Variants in FARP1 observed in about 807,000 individuals in gnomAD.
FARP1 encodes FERM, ARH/RhoGEF and pleckstrin domain protein 1.
In FARP1, 52 loss-of-function variants were observed where a neutral mutation model predicts 128.8. The observed-to-expected ratio is 0.40, with a 90% CI of 0.32 to 0.51. The LOEUF is 0.51. Ranked by LOEUF, FARP1 falls within the 20% of genes least tolerant of loss-of-function variation. FARP1 has a pLI of 0.45. For missense variants in FARP1, 1,333 were observed against 1,367.9 expected (o/e 0.97, Z 0.40); for synonymous variants, 580 against 551.8 (o/e 1.05, Z -0.72).
chr13:98,373,475 T>C (rs770148377), intron 5 of FARP1, among the ~76,000 whole-genome samples: 1 of 151,658 alleles, frequency 6.6e-6, no homozygotes, highest in Non-Finnish European at 1.5e-5. Context: ...ACATGAGGTT[T>C]AGATTGTTTT....
intron 2 of FARP1, among the ~76,000 whole-genome samples, chr13:98,320,046 G>C (rs766753944): frequency 6.6e-6 from 1 of 152,152 alleles, no homozygotes; most frequent in African/African-American, 2.4e-5. Context: ...GTGAGGTTAC[G>C]TGAGCCAGGC....
intron 5 of FARP1, among the ~76,000 whole-genome samples, chr13:98,375,105 A>G (rs574176295): frequency 6.6e-6 from 1 of 152,062 alleles, no homozygotes; most frequent in Non-Finnish European, 1.5e-5. Context: ...TGACTGATAC[A>G]CTTAAACATT....
intron 2 of FARP1, among the ~76,000 whole-genome samples, chr13:98,331,518 G>A (rs1033863340): frequency 5.9e-5 from 9 of 152,056 alleles, no homozygotes; most frequent in African/African-American, 1.2e-4. Context: ...ATTAAAGTAC[G>A]GTGAGGTTTA....
At chr13:98,396,358 C>A in intron 13 of FARP1, 1 of 399,184 alleles carries the variant, frequency 2.5e-6, no homozygotes, top group Non-Finnish European at 4.4e-6. Context: ...CCCCGGGAGT[C>A]AGCCCCTCAT....
chr13:98,311,447 G>A (rs538364753), intron 2 of FARP1, among the ~76,000 whole-genome samples: 3 of 152,244 alleles, frequency 2.0e-5, no homozygotes, highest in South Asian at 4.1e-4. Flanking sequence ...ATGAATTTTG[G>A]CCTTTTAAAT....
chr13:98,265,356 G>A (rs1884060909), intron 2 of FARP1, among the ~76,000 whole-genome samples: 1 of 109,312 alleles, frequency 9.1e-6, no homozygotes, highest in African/African-American at 3.7e-5. Context: ...GTCTCGCTCT[G>A]TCGCCCAGGC....
intron 2 of FARP1, among the ~76,000 whole-genome samples, chr13:98,277,229 T>C (rs1239665873): frequency 1.3e-5 from 2 of 152,042 alleles, no homozygotes; most frequent in Non-Finnish European, 2.9e-5. Context: ...CATAGCTCAC[T>C]GTAACTTTGA....
chr13:98,403,303 G>A lies in FARP1; in HGVS notation c.1415-6035G>A, dbSNP rs1413486874. Reference sequence around the variant, plus strand: ...GCACTTTATACTTTGGGCAGTGCATGGGAGAAGGGGGGCCCTTAGAGGTGA... The same window carrying A: ...GCACTTTATACTTTGGGCAGTGCATAGGAGAAGGGGGGCCCTTAGAGGTGA... On this transcript the variant is annotated intron_variant, in intron 13 of 26. Transcript: ENST00000319562. The A allele has an allele frequency of 3.9e-5, 6 of 152,372 alleles. No individual in the cohort carries two copies. The East Asian group carries it at 1.2e-3, about 29-fold the overall frequency. 9.4% of individuals were successfully genotyped at this position (152,372 alleles called of 1,614,324 possible).
intron 16 of FARP1, among the ~76,000 whole-genome samples, chr13:98,412,401 T>G (rs932395783): frequency 7.2e-5 from 11 of 152,252 alleles, no homozygotes; most frequent in African/African-American, 2.7e-4. Context: ...CTTTAAGTCT[T>G]TTATGAAGTA....
chr13:98,195,551 T>C (rs1212067115), intron 1 of FARP1, among the ~76,000 whole-genome samples: 2 of 152,174 alleles, frequency 1.3e-5, no homozygotes, highest in Non-Finnish European at 2.9e-5. Flanking sequence ...TCCAGAGCGT[T>C]GTTGGAGCGC....
intron 2 of FARP1, among the ~76,000 whole-genome samples, chr13:98,256,477 A>G (rs1485504390): frequency 6.6e-6 from 1 of 152,070 alleles, no homozygotes; most frequent in African/African-American, 2.4e-5. Flanking sequence ...TGGCTGCACC[A>G]CTGTGACAAG....
rs554815388 is a variant in FARP1, at chr13:98,352,415, C to G, written c.276+8549C>G. On this transcript the variant is annotated intron_variant, in intron 3 of 26. Coordinates refer to ENST00000319562, the MANE Select transcript of FARP1 (RefSeq NM_005766.4). ...CTGCCCCTTGAGACGGGCCATCACTCAAGAGAGACTACTGAGAGGGGAGCC... is the reference window on the plus strand; with the variant it reads ...CTGCCCCTTGAGACGGGCCATCACTGAAGAGAGACTACTGAGAGGGGAGCC... Among the ~76,000 whole-genome samples, 3 of 152,206 alleles carry G rather than the reference C, an allele frequency of 2.0e-5. No individual in the cohort carries two copies. In the South Asian group the frequency reaches 6.2e-4, roughly 32 times the overall value.
intron 24 of FARP1, among the ~76,000 whole-genome samples, chr13:98,444,364 T>G (rs904972198): frequency 6.6e-6 from 1 of 151,888 alleles, no homozygotes; most frequent in African/African-American, 2.4e-5. Flanking sequence ...TCTGAGGGAA[T>G]GGGATCCAAG....
intron 2 of FARP1, among the ~76,000 whole-genome samples, chr13:98,255,430 C>CGAAGCTTGCAGTGAG (rs1883538630): frequency 1.3e-5 from 2 of 151,978 alleles, no homozygotes; most frequent in African/African-American, 2.4e-5. Context: ...GAACCCAGGA[C>CGAAGCTTGCAGTGAG]GCGAAGCTTG....
At chr13:98,257,095 G>A (rs564852854) in intron 2 of FARP1, among the ~76,000 whole-genome samples, 7 of 150,404 alleles carry the variant, frequency 4.7e-5, no homozygotes, top group East Asian at 3.9e-4. Flanking sequence ...CTATTCCCTC[G>A]TCACACTTCA....
chr13:98,321,219 T>A (rs1886979056), intron 2 of FARP1, among the ~76,000 whole-genome samples: 1 of 143,920 alleles, frequency 6.9e-6, no homozygotes. Flanking sequence ...TCCCACTCTC[T>A]CTTTTCGCTT....
chr13:98,205,017 T>G (rs1353867483), intron 1 of FARP1, among the ~76,000 whole-genome samples: 1 of 152,196 alleles, frequency 6.6e-6, no homozygotes, highest in African/African-American at 2.4e-5. Context: ...AAGTTTTGAT[T>G]CTGTTACAAT....
chr13:98,389,883 T>C, intron 9 of FARP1, 74 bp from the exon 10 acceptor site: 1 of 1,424,606 alleles, frequency 7.0e-7, no homozygotes, highest in Non-Finnish European at 9.7e-7. Flanking sequence ...AGCTATCTTC[T>C]GCCCCTTTTC....
intron 1 of FARP1, among the ~76,000 whole-genome samples, chr13:98,199,204 C>T (rs1020203287): frequency 3.3e-5 from 5 of 151,944 alleles, no homozygotes; most frequent in African/African-American, 1.2e-4. Flanking sequence ...TCTGCCATCA[C>T]TGCTATTTAA....
Sources: gnomAD v4.1 joint callset for allele counts (sites outside exome capture counted in the v4.1 genomes callset) on GRCh38, gnomAD v4.1.1 for gene constraint, MANE v1.5 for transcripts, NCBI Gene and HGNC (gene_info 2026-07-23, HGNC 2026-07-21) for gene names.